The following ADAMTSL1 variants were observed in gnomAD, a reference collection of about 807,000 sequenced individuals.
ADAMTSL1 encodes the protein ADAMTS-like protein 1.
Under a neutral mutation model 201.8 loss-of-function variants are expected in ADAMTSL1, and 126 were observed. The observed-to-expected ratio is 0.62, with a 90% CI of 0.54 to 0.72. The LOEUF (loss-of-function observed/expected upper bound fraction) is 0.72, where lower values mean the gene tolerates loss of function less well. Among genes scored for constraint, ADAMTSL1 ranks in the 30% least tolerant of loss-of-function variants. The probability of loss-of-function intolerance (pLI) is 0.00; values close to 1 mark genes in which losing one functional copy is unlikely to be tolerated. For synonymous variants in ADAMTSL1, 1,121 were observed against 903.4 expected (o/e 1.24, Z -4.32); for missense variants, 2,679 against 2,277.8 (o/e 1.18, Z -3.59).
intron 19 of ADAMTSL1, among the ~76,000 whole-genome samples, chr9:18,789,238 GT>G (rs1314838707): frequency 6.6e-6 from 1 of 152,286 alleles, no homozygotes; most frequent in South Asian, 2.1e-4. Context: ...CATTTCTGTA[GT>G]TTTTTACTAC....
rs1237312152 is a variant in ADAMTSL1, at chr9:17,930,712, A to G, written c.87+23790A>G. ...ATAGGAGTGTGAGTTTTGTTTGTGG[A>G]GAAGTTTTTGCCTGCTTCATCATTT... On this transcript the variant is annotated intron_variant, in intron 1 of 29. Coordinates refer to the ADAMTSL1 transcript ENST00000680146. Among the ~76,000 whole-genome samples the G allele has an allele frequency of 2.6e-5, 4 of 152,304 alleles. No homozygotes were observed. In the South Asian group the frequency reaches 8.3e-4, roughly 32 times the overall value.
At chr9:18,794,693 G>C (rs1257891214) in intron 19 of ADAMTSL1, among the ~76,000 whole-genome samples, 2 of 151,484 alleles carry the variant, frequency 1.3e-5, no homozygotes, top group East Asian at 3.9e-4. Context: ...GAGTACAGTG[G>C]GGCAATCTCA....
intron 1 of ADAMTSL1, among the ~76,000 whole-genome samples, chr9:18,117,286 G>A (rs2131902907): frequency 6.6e-6 from 1 of 152,186 alleles, no homozygotes; most frequent in South Asian, 2.1e-4. Flanking sequence ...CAGAGTTAAG[G>A]TCGTAGTCTG....
intron 7 of ADAMTSL1, among the ~76,000 whole-genome samples, chr9:18,645,943 G>A (rs1392185337): frequency 6.6e-6 from 1 of 150,716 alleles, no homozygotes; most frequent in Non-Finnish European, 1.5e-5. Context: ...TTGGTAGCTT[G>A]ATGGGGATGG....
chr9:18,078,443 C>A (rs1823327945), intron 1 of ADAMTSL1, among the ~76,000 whole-genome samples: 1 of 152,138 alleles, frequency 6.6e-6, no homozygotes, highest in Non-Finnish European at 1.5e-5. Flanking sequence ...CTTCCCCTAC[C>A]CCACAGCTCC....
At chr9:18,815,711 CAAAAAAAAA>C (rs35926602) in intron 20 of ADAMTSL1, among the ~76,000 whole-genome samples, 3 of 67,932 alleles carry the variant, frequency 4.4e-5, no homozygotes, top group South Asian at 1.1e-3. Flanking sequence ...AACCCTGTCT[CAAAAAAAAA>C]AAAAAAAAAA....
At chr9:18,525,711 C>A (rs1254485316) in intron 2 of ADAMTSL1, among the ~76,000 whole-genome samples, 1 of 152,152 alleles carries the variant, frequency 6.6e-6, no homozygotes, top group African/African-American at 2.4e-5. Context: ...ACCCAGTAGT[C>A]ATTCAGGAGC....
chr9:18,623,018 T>C (rs1009704380), intron 5 of ADAMTSL1, among the ~76,000 whole-genome samples: 20 of 152,082 alleles, frequency 1.3e-4, no homozygotes, highest in African/African-American at 4.8e-4. Context: ...GCCTCAACCT[T>C]GCAAGTAGCT....
intron 1 of ADAMTSL1, among the ~76,000 whole-genome samples, chr9:17,926,364 T>C (rs970197083): frequency 6.6e-6 from 1 of 152,164 alleles, no homozygotes; most frequent in Non-Finnish European, 1.5e-5. Flanking sequence ...CAAAACACGA[T>C]GGTTTAACAC....
intron 1 of ADAMTSL1, among the ~76,000 whole-genome samples, chr9:17,988,600 A>G (rs1334035936): frequency 4.6e-5 from 7 of 151,264 alleles, no homozygotes; most frequent in Non-Finnish European, 1.0e-4. Flanking sequence ...AGAGATGGCC[A>G]AGAGTACCAT....
chr9:18,647,718 G>A (rs1827912219), intron 7 of ADAMTSL1, among the ~76,000 whole-genome samples: 1 of 151,430 alleles, frequency 6.6e-6, no homozygotes, highest in African/African-American at 2.4e-5. Context: ...TCTTAATCCT[G>A]AGTTCTAGTT....
intron 2 of ADAMTSL1, among the ~76,000 whole-genome samples, chr9:18,167,411 T>G: frequency 6.6e-6 from 1 of 151,900 alleles, no homozygotes; most frequent in African/African-American, 2.4e-5. Context: ...AGAGGTGTCT[T>G]TTGTGAAATG....
chr9:18,105,045 A>G (rs1016611480), intron 1 of ADAMTSL1, among the ~76,000 whole-genome samples: 4 of 152,208 alleles, frequency 2.6e-5, no homozygotes, highest in African/African-American at 9.6e-5. Context: ...AATAGCCTCT[A>G]AAAATAATCC....
At chr9:18,449,473 G>A (rs899683791) in intron 2 of ADAMTSL1, among the ~76,000 whole-genome samples, 1 of 151,954 alleles carries the variant, frequency 6.6e-6, no homozygotes, top group East Asian at 1.9e-4. Context: ...TTCTCTTAGA[G>A]GAAACTTGTT....
At chr9:17,908,333 C>A (rs908020033) in intron 1 of ADAMTSL1, among the ~76,000 whole-genome samples, 2 of 152,198 alleles carry the variant, frequency 1.3e-5, no homozygotes, top group East Asian at 3.9e-4. Flanking sequence ...CACACCCCAG[C>A]TGGATTACAT....
At chr9:18,679,998 G>T (rs1208248890) in intron 10 of ADAMTSL1, among the ~76,000 whole-genome samples, 1 of 152,120 alleles carries the variant, frequency 6.6e-6, no homozygotes, top group Non-Finnish European at 1.5e-5. Context: ...TGAAACTATG[G>T]GAGAAGGACA....
At chr9:18,319,426 A>G (rs541324529) in intron 2 of ADAMTSL1, among the ~76,000 whole-genome samples, 139 of 152,262 alleles carry the variant, frequency 9.1e-4, no homozygotes, top group Non-Finnish European at 1.6e-3. Flanking sequence ...ATTATCAATA[A>G]CTTCACTGCT....
chr9:18,113,229 T>C (rs947501155), intron 1 of ADAMTSL1, among the ~76,000 whole-genome samples: 1 of 152,154 alleles, frequency 6.6e-6, no homozygotes, highest in African/African-American at 2.4e-5. Context: ...TGGTAGGCCA[T>C]GTCCAGGCAT....
chr9:18,137,167 G>A (rs891027380), intron 1 of ADAMTSL1, among the ~76,000 whole-genome samples: 1 of 152,164 alleles, frequency 6.6e-6, no homozygotes, highest in African/African-American at 2.4e-5. Context: ...CCAGGTTTCT[G>A]AGGGAAAATC....
Sources: allele counts gnomAD v4.1 joint callset (sites outside exome capture counted in the v4.1 genomes callset), GRCh38; gene constraint gnomAD v4.1.1; transcripts MANE v1.5; gene names NCBI Gene and HGNC (gene_info 2026-07-23, HGNC 2026-07-21).